LRP5: variants seen among roughly 807,000 people sequenced by gnomAD.
LRP5 encodes the protein LDL receptor related protein 5, also known as low-density lipoprotein receptor-related protein 5.
LRP5 carries 62 observed loss-of-function variants against 154.1 expected under a neutral mutation model. The observed-to-expected ratio is 0.40, with a 90% CI of 0.33 to 0.50. The LOEUF is 0.50. LRP5 is among the 20% of genes least tolerant of loss of function. The probability of loss-of-function intolerance (pLI) is 0.55; values close to 1 mark genes in which losing one functional copy is unlikely to be tolerated. For missense variants in LRP5, 1,915 were observed against 2,336.7 expected, an observed-to-expected ratio of 0.82 and a Z score of 3.72; for synonymous variants, 966 against 1,011.5, an observed-to-expected ratio of 0.96 and a Z score of 0.85.
intron 1 of LRP5, among the ~76,000 whole-genome samples, chr11:68,341,059 C>CTTTTTGTTTTTTTTTTTTTTTT (rs2098608759): frequency 1.2e-5 from 1 of 83,496 alleles, no homozygotes; most frequent in South Asian, 3.6e-4. Flanking sequence ...GGAGATTGTT[C>CTTTTTGTTTTTTTTTTTTTTTT]TTTTTTTTTT....
intron 9 of LRP5, among the ~76,000 whole-genome samples, chr11:68,409,067 A>ATATATAT (rs1299244059): frequency 5.9e-4 from 26 of 44,272 alleles, no homozygotes; most frequent in African/African-American, 1.7e-3. Context: ...AAAAAAAAAA[A>ATATATAT]AAAAAAATAT....
rs371323193 is a variant in LRP5 at position 68,423,694 on chromosome 11, G to A, written c.3233G>A (p.Arg1078Gln). 1.1e-5 allele frequency: 17 copies of A among 1,608,334 alleles called. No homozygotes were observed. Among genetic ancestry groups the A allele is most frequent in the East Asian group, 4.5e-5 (2 of 44,860 alleles). ...AGGGCCATCGTCGTCAACGCGGAGCGAGGGTAGGAGGCCAACGGGTGGGTG... is the reference window on the plus strand; with the variant it reads ...AGGGCCATCGTCGTCAACGCGGAGCAAGGGTAGGAGGCCAACGGGTGGGTG... ...KPRAIVVNAE[R>Q]GYLYFTNMQD... The change falls in exon 14 of 23, where the codon CGA becomes CAA. Residue 1078 changes from arginine (R) to glutamine (Q), a missense_variant. Physicochemically the swap from Arg to Gln is conservative, Grantham distance 43. This residue lies in a region of LRP5 where 1,094 missense variants were observed against 1,210.1 expected (regional missense o/e 0.90). Coordinates refer to ENST00000294304, the MANE Select transcript of LRP5 (RefSeq NM_002335.4). The surrounding 1 kb of genome is among the most constrained non-coding windows in gnomAD (Gnocchi z 4.7).
chr11:68,437,142 G>C (rs2098675484), intron 19 of LRP5, 143 bp downstream of exon 19: 2 of 696,352 alleles, frequency 2.9e-6, no homozygotes, highest in Non-Finnish European at 5.0e-6. Flanking sequence ...CTTGCGGGAG[G>C]CAGGGAAGCC....
Position 68,365,630 on chromosome 11 carries a change from A to T in LRP5, c.943A>T (p.Ser315Cys). 1.9e-6 allele frequency: 3 copies of T among 1,612,872 alleles called. No individual in the cohort carries two copies. The highest frequency in any genetic ancestry group is 2.5e-6 in the Non-Finnish European group (3 of 1,179,482). ...CTCCCACCTGTGCCTGCTGTCCCCA[A>T]GCGAGCCTTTCTACACATGCGCCTG... Reference protein sequence around the residue: ...GCSHLCLLSPSEPFYTCACPT... With the variant: ...GCSHLCLLSPCEPFYTCACPT... Residue 315 changes from serine (S) to cysteine (C), a missense_variant, in exon 5 of 23, where the codon AGC becomes TGC. Physicochemically the swap from Ser to Cys is moderately radical, Grantham distance 112. Around this residue, in one of 3 missense-constraint regions of LRP5, gnomAD observed 773 missense variants for 1,100.9 expected, o/e 0.70. Coordinates refer to ENST00000294304, the MANE Select transcript of LRP5 (RefSeq NM_002335.4).
chr11:68,443,328 C>T (rs375418017), intron 21 of LRP5, among the ~76,000 whole-genome samples: 2 of 150,330 alleles, frequency 1.3e-5, no homozygotes, highest in East Asian at 2.0e-4. Context: ...CATGGAGAAA[C>T]CCCGTCTCTA....
At chr11:68,393,736 G>A (rs958481533) in intron 7 of LRP5, among the ~76,000 whole-genome samples, 1 of 152,130 alleles carries the variant, frequency 6.6e-6, no homozygotes, top group Non-Finnish European at 1.5e-5. Context: ...AGCCAAGATC[G>A]CGCCACTACA....
rs377114189 is a variant in LRP5, at chr11:68,348,235, C to G, written c.480C>G (p.Pro160=). 2.7e-5 allele frequency: 43 copies of G among 1,605,682 alleles called. No homozygotes were observed. The East Asian group carries it at 9.1e-4, about 34-fold the overall frequency. Residue 160 remains proline, a synonymous_variant, in exon 2 of 23, where the codon CCC becomes CCG. Transcript: ENST00000294304. ...LDQPRAIALD[P]AHGYMYWTDW... The stretch of plus-strand genomic sequence containing the variant: ...AGCCGAGGGCCATCGCCTTGGACCC[C>G]GCTCACGGGTAAACCCTGCTGCGAC...
chr11:68,420,249 A>G (rs1296359064), intron 13 of LRP5, among the ~76,000 whole-genome samples: 2 of 152,030 alleles, frequency 1.3e-5, no homozygotes, highest in African/African-American at 4.8e-5. Context: ...CCACCATTCT[A>G]CTTTGTATCT....
intron 18 of LRP5, among the ~76,000 whole-genome samples, chr11:68,436,355 C>T (rs1392030924): frequency 1.3e-5 from 2 of 152,050 alleles, no homozygotes; most frequent in African/African-American, 4.8e-5. Context: ...TGGAGGCAGC[C>T]GTCAGCGCCC....
Position 68,429,703 on chromosome 11 carries a change from A to G in LRP5, c.3763+3A>G, listed in dbSNP as rs2098670879. On this transcript the variant is annotated splice_donor_region_variant and intron_variant, in intron 17 of 22. Transcript: ENST00000294304. ...GCAGAACCTGCTGACCTGTGGAGGT[A>G]GGTGTGACCTAGGTGCTCCTTTGGG... 1 of 1,614,000 alleles carries G rather than the reference A, an allele frequency of 6.2e-7. No homozygotes were observed. Among genetic ancestry groups the G allele is most frequent in the Admixed American group, 1.7e-5 (1 of 60,010 alleles).
chr11:68,347,948 G>A lies in LRP5; in HGVS notation c.193G>A (p.Ala65Thr), dbSNP rs1439736834. The change falls in exon 2 of 23, where the codon GCG (alanine) becomes ACG (threonine). Residue 65 changes from alanine to threonine, a missense_variant. Ala to Thr is a moderately conservative substitution (Grantham distance 58, BLOSUM62 0). This residue lies in a region of LRP5 where 773 missense variants were observed against 1,100.9 expected (regional missense o/e 0.70). Transcript: ENST00000294304. ...CATCGTGGTCAGCGGCCTGGAGGAT[G>A]CGGCCGCAGTGGACTTCCAGTTTTC... The part of the protein sequence containing the change: ...STIVVSGLED[A>T]AAVDFQFSKG... 1 of 1,614,070 alleles carries A rather than the reference G, an allele frequency of 6.2e-7. No individual in the cohort carries two copies. The highest frequency in any genetic ancestry group is 8.5e-7 in the Non-Finnish European group (1 of 1,180,042).
At chr11:68,330,919 G>A (rs2098602400) in intron 1 of LRP5, among the ~76,000 whole-genome samples, 1 of 152,326 alleles carries the variant, frequency 6.6e-6, no homozygotes. Context: ...GCCTCTGACC[G>A]TTCTCTGCCC....
intron 5 of LRP5, among the ~76,000 whole-genome samples, chr11:68,379,704 A>AT (rs1185756950): frequency 1.3e-5 from 2 of 152,172 alleles, no homozygotes; most frequent in Non-Finnish European, 2.9e-5. Flanking sequence ...AATAGACTTC[A>AT]TTTTTTTAGA....
At chr11:68,441,672 C>T (rs1440839754) in intron 21 of LRP5, among the ~76,000 whole-genome samples, 1 of 152,190 alleles carries the variant, frequency 6.6e-6, no homozygotes, top group East Asian at 1.9e-4. Context: ...TCCTGTTCTC[C>T]CTTGGGAGCT....
In LRP5 at chr11:68,416,328, C is replaced by G; in HGVS notation, c.2828C>G (p.Pro943Arg). ...GCAGCCCTGTCTTTGCCTCCTCTAG[C>G]GCCCACCACCTTCTTGCTGTTCAGC... ...TLDPSSRNCS[P>R]PTTFLLFSQK... is the part of the protein sequence containing the mutation. The change falls in exon 13 of 23, where the codon CCG becomes CGG. Residue 943 changes from proline to arginine, a missense_variant and splice_region_variant. Coordinates refer to ENST00000294304, the MANE Select transcript of LRP5 (RefSeq NM_002335.4). The G allele has an allele frequency of 6.2e-7, 1 of 1,613,892 alleles. No individual in the cohort carries two copies. The highest frequency in any genetic ancestry group is 8.5e-7 in the Non-Finnish European group (1 of 1,179,944).
chr11:68,318,007 T>C (rs1297574000), intron 1 of LRP5, among the ~76,000 whole-genome samples: 1 of 152,050 alleles, frequency 6.6e-6, no homozygotes, highest in Non-Finnish European at 1.5e-5. Context: ...ATTTAATATA[T>C]ATATTTTAAA....
In LRP5 at chr11:68,411,418, C is replaced by T. The variant is rs1349510811; in HGVS notation, c.2319-18C>T. 1.2e-6 allele frequency: 2 copies of T among 1,608,804 alleles called. No homozygotes were observed. Among genetic ancestry groups the T allele is most frequent in the Non-Finnish European group, 1.7e-6 (2 of 1,179,954 alleles). ...GAGCAGACTCACTGAGCCTGCCCTT[C>T]TCCCTTGTGCCTTCCAGCTACATCT... On this transcript the variant is annotated intron_variant, in intron 10 of 22. Coordinates refer to ENST00000294304, the MANE Select transcript of LRP5 (RefSeq NM_002335.4).
chr11:68,429,465 T>C, intron 16 of LRP5, 110 bp from the exon 17 acceptor site: 1 of 1,398,458 alleles, frequency 7.2e-7, no homozygotes. Context: ...AGGCCGGGCC[T>C]GCAGGAGGGC....
intron 5 of LRP5, among the ~76,000 whole-genome samples, chr11:68,380,897 C>T (rs1261163867): frequency 6.6e-6 from 1 of 152,324 alleles, no homozygotes; most frequent in Middle Eastern, 3.4e-3. Context: ...CGGCTGGGTA[C>T]GTTGAATTGT....
Sources: gnomAD v4.1 joint callset for allele counts (sites outside exome capture counted in the v4.1 genomes callset) on GRCh38, gnomAD v4.1.1 for gene constraint, gnomAD v4.1.1 regional missense constraint, Gnocchi (gnomAD v3.1) non-coding constraint, MANE v1.5 for transcripts, NCBI Gene and HGNC (gene_info 2026-07-23, HGNC 2026-07-21) for gene names.